Variants in SLC25A13 observed in about 807,000 individuals in gnomAD.
SLC25A13 encodes electrogenic aspartate/glutamate antiporter SLC25A13, mitochondrial.
In SLC25A13, 70 loss-of-function variants were observed where a neutral mutation model predicts 85.5. The ratio of observed to expected loss-of-function variants is 0.82; its 90% CI spans 0.68 to 1.00. The LOEUF (loss-of-function observed/expected upper bound fraction) is 1.00. SLC25A13 is among the 50% of genes least tolerant of loss of function. The pLI is 0.00. For missense variants in SLC25A13, 765 were observed against 819.8 expected (o/e 0.93, Z 0.82); for synonymous variants, 259 against 288.7 (o/e 0.90, Z 1.04).
intron 11 of SLC25A13, among the ~76,000 whole-genome samples, chr7:96,182,567 T>C (rs778361741): frequency 6.6e-6 from 1 of 152,174 alleles, no homozygotes; most frequent in Non-Finnish European, 1.5e-5. Context: ...AAGCAGTCAC[T>C]CTCATCTTAC....
chr7:96,179,140 T>C (rs549759558), intron 11 of SLC25A13, among the ~76,000 whole-genome samples: 1 of 152,346 alleles, frequency 6.6e-6, no homozygotes, highest in South Asian at 2.1e-4. Context: ...TCAACTCCTC[T>C]ATTCTGGGGC....
At chr7:96,204,766 T>C (rs925646283) in intron 5 of SLC25A13, among the ~76,000 whole-genome samples, 20 of 152,280 alleles carry the variant, frequency 1.3e-4, no homozygotes, top group Middle Eastern at 3.4e-3. Context: ...CTCAAGATTA[T>C]AGTCTCTGCA....
intron 1 of SLC25A13, chr7:96,309,764 A>G (rs1291480457): frequency 1.3e-5 from 2 of 152,132 alleles, no homozygotes; most frequent in Non-Finnish European, 2.9e-5. Flanking sequence ...ATCTCACCCA[A>G]GCCATTTTTA....
chr7:96,124,977 C>T (rs34060836), intron 15 of SLC25A13, among the ~76,000 whole-genome samples: 5,068 of 152,260 alleles, frequency 0.033, 282 homozygotes, highest in African/African-American at 0.12. Flanking sequence ...GTCAGTCTCC[C>T]AAAAACCAAC....
At chr7:96,203,879 G>C (rs904162580) in intron 5 of SLC25A13, among the ~76,000 whole-genome samples, 1 of 152,152 alleles carries the variant, frequency 6.6e-6, no homozygotes, top group Admixed American at 6.5e-5. Context: ...TGCATGACTG[G>C]GCACTGCCAT....
rs530869704 is a variant in SLC25A13 at position 96,120,881 on chromosome 7, G to A, written c.*310C>T. The A allele has an allele frequency of 2.8e-4, 139 of 503,598 alleles. No individual in the cohort carries two copies. Among genetic ancestry groups the A allele is most frequent in the African/African-American group, 2.4e-3 (126 of 52,258 alleles). 31.2% of individuals were successfully genotyped at this position (503,598 alleles called of 1,614,324 possible). The stretch of plus-strand genomic sequence containing the variant: ...TGGGACTACAATCCTAGTTCAAGGA[G>A]GGGAGTACTAATTTCTATTCTGACT... On this transcript the variant is annotated 3_prime_UTR_variant, in exon 18 of 18. Coordinates refer to ENST00000265631, the MANE Select transcript of SLC25A13 (RefSeq NM_014251.3).
At chr7:96,292,914 A>G (rs947402893) in intron 2 of SLC25A13, among the ~76,000 whole-genome samples, 14 of 152,248 alleles carry the variant, frequency 9.2e-5, no homozygotes, top group Non-Finnish European at 7.3e-5. Context: ...TTCTTCACAG[A>G]ATTGGAAAAA....
chr7:96,295,568 T>C (rs1020307028), intron 2 of SLC25A13, among the ~76,000 whole-genome samples: 44 of 152,168 alleles, frequency 2.9e-4, no homozygotes, highest in Non-Finnish European at 4.4e-5. Flanking sequence ...ACATAGACTC[T>C]ATATTTCCCA....
intron 2 of SLC25A13, among the ~76,000 whole-genome samples, chr7:96,278,767 T>G (rs976927804): frequency 6.6e-6 from 1 of 152,202 alleles, no homozygotes; most frequent in Non-Finnish European, 1.5e-5. Flanking sequence ...GATGCCCCAG[T>G]GATCCTACTA....
In SLC25A13 at chr7:96,120,830, C is replaced by T. The variant is rs1401797786; in HGVS notation, c.*361G>A. ...CACACACGAAACACTGCTCTGAGCACCATGATTGCCTTACAGTAGCCTCTT... is the reference window on the plus strand; with the variant it reads ...CACACACGAAACACTGCTCTGAGCATCATGATTGCCTTACAGTAGCCTCTT... On this transcript the variant is annotated 3_prime_UTR_variant, in exon 18 of 18. Transcript: ENST00000265631. The T allele has an allele frequency of 2.1e-6, 1 of 468,018 alleles. No individual in the cohort carries two copies. The highest frequency in any genetic ancestry group is 2.3e-5 in the Admixed American group (1 of 42,964). The allele number at this position is 468,018 out of a possible 1,614,324, so 29.0% of individuals were successfully genotyped here.
At chr7:96,152,915 G>C (rs1359399666) in intron 13 of SLC25A13, among the ~76,000 whole-genome samples, 1 of 152,198 alleles carries the variant, frequency 6.6e-6, no homozygotes, top group African/African-American at 2.4e-5. Flanking sequence ...GGGAATGAGA[G>C]AGCTGTGTAG....
intron 2 of SLC25A13, among the ~76,000 whole-genome samples, chr7:96,287,561 G>T (rs1450417529): frequency 6.6e-6 from 1 of 152,170 alleles, no homozygotes; most frequent in African/African-American, 2.4e-5. Flanking sequence ...GTATAGTCCT[G>T]CTGGCTGCTG....
At chr7:96,239,729 G>C (rs189089793) in intron 3 of SLC25A13, among the ~76,000 whole-genome samples, 1 of 151,936 alleles carries the variant, frequency 6.6e-6, no homozygotes, top group Non-Finnish European at 1.5e-5. Context: ...ATTAGGGGAG[G>C]GTAGGTTTCT....
chr7:96,319,571 A>G (rs1042258528), intron 1 of SLC25A13, among the ~76,000 whole-genome samples: 14 of 149,132 alleles, frequency 9.4e-5, no homozygotes, highest in Admixed American at 9.4e-4. Flanking sequence ...AACTGCTCTC[A>G]GAGAGCAGTA....
chr7:96,122,745 T>G (rs754145564), intron 15 of SLC25A13, among the ~76,000 whole-genome samples: 5 of 152,054 alleles, frequency 3.3e-5, no homozygotes, highest in Admixed American at 2.0e-4. Context: ...CAGAAAACCC[T>G]CCCAAAGTTA....
chr7:96,190,401 TC>T (rs1164049823), intron 7 of SLC25A13, among the ~76,000 whole-genome samples: 1 of 151,928 alleles, frequency 6.6e-6, no homozygotes, highest in Non-Finnish European at 1.5e-5. Flanking sequence ...TGATTTTTTT[TC>T]TTAATCCCAT....
At chr7:96,257,077 G>GA (rs1373929743) in intron 3 of SLC25A13, among the ~76,000 whole-genome samples, 7 of 152,166 alleles carry the variant, frequency 4.6e-5, no homozygotes, top group African/African-American at 1.2e-4. Flanking sequence ...TGTTTAGAGG[G>GA]AAATTTATAG....
chr7:96,287,412 A>C (rs1409395173), intron 2 of SLC25A13, among the ~76,000 whole-genome samples: 1 of 152,174 alleles, frequency 6.6e-6, no homozygotes, highest in Non-Finnish European at 1.5e-5. Flanking sequence ...AAGGGAAGAG[A>C]GTACTTCCCC....
At chr7:96,160,795 C>T (rs1793478401) in intron 13 of SLC25A13, among the ~76,000 whole-genome samples, 2 of 152,160 alleles carry the variant, frequency 1.3e-5, no homozygotes, top group South Asian at 4.1e-4. Flanking sequence ...TAATTTTGCC[C>T]TCAGTCCAAG....
Sources: gnomAD v4.1 joint callset for allele counts (sites outside exome capture counted in the v4.1 genomes callset) on GRCh38, gnomAD v4.1.1 for gene constraint, MANE v1.5 for transcripts, NCBI Gene and HGNC (gene_info 2026-07-23, HGNC 2026-07-21) for gene names.